Variants in MYO3B observed in about 807,000 individuals in gnomAD.
The protein encoded by MYO3B is myosin IIIB.
In MYO3B, 156 loss-of-function variants were observed where a neutral mutation model predicts 174.6. The ratio of observed to expected loss-of-function variants is 0.89; its 90% CI spans 0.78 to 1.02. The LOEUF (loss-of-function observed/expected upper bound fraction) is 1.02, where lower values mean the gene tolerates loss of function less well. MYO3B is among the 50% of genes least tolerant of loss of function. The pLI is 0.00. For missense variants in MYO3B, 1,632 were observed against 1,639.4 expected, an observed-to-expected ratio of 1.00 and a Z score of 0.08; for synonymous variants, 563 against 569.1, an observed-to-expected ratio of 0.99 and a Z score of 0.15.
At chr2:170,332,724 C>T (rs970895355) in intron 7 of MYO3B, among the ~76,000 whole-genome samples, 1 of 152,094 alleles carries the variant, frequency 6.6e-6, no homozygotes, top group Non-Finnish European at 1.5e-5. Context: ...TTATGTGAAG[C>T]CATAGAGGGT....
intron 29 of MYO3B, 44 bp downstream of exon 29, chr2:170,515,066 G>T: frequency 1.3e-6 from 2 of 1,539,386 alleles, no homozygotes; most frequent in Non-Finnish European, 8.9e-7. Flanking sequence ...AAATTCAGGG[G>T]CATTCCGGAG....
chr2:170,306,574 T>C (rs1005687624), intron 7 of MYO3B, among the ~76,000 whole-genome samples: 3 of 152,214 alleles, frequency 2.0e-5, no homozygotes, highest in Admixed American at 6.5e-5. Context: ...CAGTGACTGT[T>C]GACTGACCGT....
chr2:170,180,112 T>C (rs1396137421), intron 1 of MYO3B: 1 of 391,502 alleles, frequency 2.6e-6, no homozygotes, highest in South Asian at 1.8e-5. Flanking sequence ...ATTTAAATCA[T>C]GCTCGCTAGG....
chr2:170,579,074 T>C (rs1692971328), intron 32 of MYO3B, among the ~76,000 whole-genome samples: 1 of 152,174 alleles, frequency 6.6e-6, no homozygotes, highest in Non-Finnish European at 1.5e-5. Context: ...TATAAAGCAA[T>C]AGAAGTATAA....
rs1444993855 is a variant in MYO3B at position 170,653,291 on chromosome 2, T to C, written c.*170T>C. ...TTCCAAAACATCTTATCCTATCCTC[T>C]ACCACTCTCCCACATGTGTTGTGCA... On this transcript the variant is annotated 3_prime_UTR_variant, in exon 35 of 35. Coordinates refer to ENST00000408978, the MANE Select transcript of MYO3B (RefSeq NM_138995.5). 5.5e-6 allele frequency: 4 copies of C among 731,826 alleles called. No homozygotes were observed. The highest frequency in any genetic ancestry group is 2.7e-5 in the Admixed American group (1 of 37,644). 45.3% of individuals were successfully genotyped at this position (731,826 alleles called of 1,614,324 possible).
intron 8 of MYO3B, among the ~76,000 whole-genome samples, chr2:170,354,474 C>T (rs927504573): frequency 2.0e-5 from 3 of 152,148 alleles, no homozygotes; most frequent in African/African-American, 7.2e-5. Flanking sequence ...CACCATAATA[C>T]CAGGGCGGGG....
intron 23 of MYO3B, among the ~76,000 whole-genome samples, chr2:170,458,708 G>A (rs1446653009): frequency 1.3e-5 from 2 of 152,190 alleles, no homozygotes; most frequent in Non-Finnish European, 2.9e-5. Context: ...CTCCGTGGAA[G>A]GCCTGATACA....
At chr2:170,178,821 T>C (rs1167790641) in intron 1 of MYO3B, among the ~76,000 whole-genome samples, 1 of 152,246 alleles carries the variant, frequency 6.6e-6, no homozygotes, top group African/African-American at 2.4e-5. Flanking sequence ...TCTGATCATT[T>C]AGTTAATCAT....
At chr2:170,435,360 T>C (rs113021026) in intron 22 of MYO3B, among the ~76,000 whole-genome samples, 1,535 of 152,270 alleles carry the variant, frequency 0.01, 15 homozygotes, top group Non-Finnish European at 0.016. Flanking sequence ...ATAGGAATCA[T>C]AGGTAATGAA....
intron 10 of MYO3B, 129 bp from the exon 11 acceptor site, chr2:170,382,944 T>C (rs1239154912): frequency 1.6e-6 from 1 of 639,828 alleles, no homozygotes; most frequent in Admixed American, 2.5e-5. Context: ...GGTCATTGTA[T>C]GATTTAAATG....
chr2:170,279,465 A>T (rs1443994086), intron 7 of MYO3B, among the ~76,000 whole-genome samples: 2 of 66,670 alleles, frequency 3.0e-5, no homozygotes, highest in Admixed American at 2.5e-4. Flanking sequence ...TGTCCACTTA[A>T]AAAAAAAAAC....
intron 8 of MYO3B, among the ~76,000 whole-genome samples, chr2:170,341,904 C>T (rs7560850): frequency 0.057 from 8,671 of 152,202 alleles, 440 homozygotes; most frequent in African/African-American, 0.13. Flanking sequence ...TATAAAGTCA[C>T]CTGATAAAAT....
intron 32 of MYO3B, among the ~76,000 whole-genome samples, chr2:170,649,234 AATATATATT>A (rs1698742311): frequency 2.9e-5 from 2 of 69,968 alleles, no homozygotes; most frequent in South Asian, 3.9e-4. Context: ...TATATAAAAT[AATATATATT>A]ATATATAAAA....
At chr2:170,485,920 A>G (rs1410216565) in intron 25 of MYO3B, among the ~76,000 whole-genome samples, 4 of 152,172 alleles carry the variant, frequency 2.6e-5, no homozygotes, top group African/African-American at 4.8e-5. Context: ...CAACCTTCTC[A>G]CACAACAGAA....
At chr2:170,236,835 A>G (rs576630820) in intron 7 of MYO3B, among the ~76,000 whole-genome samples, 1 of 152,248 alleles carries the variant, frequency 6.6e-6, no homozygotes, top group South Asian at 2.1e-4. Context: ...TACCTTCCAT[A>G]TGTCTCTTTC....
chr2:170,591,722 G>A (rs1693828606), intron 32 of MYO3B, among the ~76,000 whole-genome samples: 1 of 152,202 alleles, frequency 6.6e-6, no homozygotes, highest in Non-Finnish European at 1.5e-5. Flanking sequence ...CCCAGAGCAT[G>A]TGATTGGCCC....
At chr2:170,300,948 A>G (rs1436894212) in intron 7 of MYO3B, among the ~76,000 whole-genome samples, 1 of 152,188 alleles carries the variant, frequency 6.6e-6, no homozygotes, top group Non-Finnish European at 1.5e-5. Context: ...CTGAATTACA[A>G]AGGGAGTTTA....
intron 23 of MYO3B, among the ~76,000 whole-genome samples, chr2:170,456,737 TTA>T (rs1683931190): frequency 6.6e-6 from 1 of 152,240 alleles, no homozygotes. Flanking sequence ...ATGTTATTTG[TTA>T]TATGTGCGCA....
At position 170,401,583 on chromosome 2, in the gene MYO3B, A is replaced by T; in HGVS notation, c.2021A>T (p.Asp674Val). The T allele has an allele frequency of 6.2e-7, 1 of 1,614,096 alleles. No individual in the cohort carries two copies. Among genetic ancestry groups the T allele is most frequent in the Non-Finnish European group, 8.5e-7 (1 of 1,180,016 alleles). Residue 674 changes from aspartate (D) to valine (V), a missense_variant, in exon 18 of 35, where the codon GAC becomes GTC. Asp to Val is a radical substitution (Grantham distance 152). Transcript: ENST00000408978. Reference sequence around the variant, plus strand: ...ACCATCATCCGTGCCAACACTGTAGACAGGGCTGCGGACGTTCGAGACGCC... The same window carrying T: ...ACCATCATCCGTGCCAACACTGTAGTCAGGGCTGCGGACGTTCGAGACGCC... Reference protein sequence around the residue: ...GETIIRANTVDRAADVRDAMS... With the variant: ...GETIIRANTVVRAADVRDAMS...
Sources: gnomAD v4.1 joint callset for allele counts (sites outside exome capture counted in the v4.1 genomes callset) on GRCh38, gnomAD v4.1.1 for gene constraint, MANE v1.5 for transcripts, NCBI Gene and HGNC (gene_info 2026-07-23, HGNC 2026-07-21) for gene names.